Variants in ZYG11B observed in about 807,000 individuals in gnomAD.
The protein encoded by ZYG11B is protein zyg-11 homolog B.
Under a neutral mutation model 82.4 loss-of-function variants are expected in ZYG11B, and 36 were observed. The observed-to-expected ratio is 0.44, with a 90% CI of 0.33 to 0.58. The LOEUF (loss-of-function observed/expected upper bound fraction) is 0.58, where lower values mean the gene tolerates loss of function less well. ZYG11B is among the 20% of genes least tolerant of loss of function. The pLI is 0.02. For missense variants in ZYG11B, 552 were observed against 895.6 expected (o/e 0.62, Z 4.90); for synonymous variants, 303 against 312.8 (o/e 0.97, Z 0.33).
intron 6 of ZYG11B, among the ~76,000 whole-genome samples, chr1:52,791,847 G>T (rs1307815374): frequency 1.3e-5 from 2 of 152,098 alleles, no homozygotes; most frequent in Non-Finnish European, 2.9e-5. Context: ...GAACCTCTGT[G>T]CTCATCATCG....
intron 8 of ZYG11B, among the ~76,000 whole-genome samples, chr1:52,798,568 G>A (rs986219382): frequency 3.3e-5 from 5 of 152,058 alleles, no homozygotes; most frequent in Admixed American, 1.3e-4. Context: ...CCGTGATGAC[G>A]CCACTGCACT....
At chr1:52,812,847 C>A (rs1645195226) in intron 10 of ZYG11B, among the ~76,000 whole-genome samples, 1 of 151,904 alleles carries the variant, frequency 6.6e-6, no homozygotes, top group Non-Finnish European at 1.5e-5. Context: ...GTGCCTCAGC[C>A]TCCCAAGTAG....
chr1:52,735,902 CAG>C (rs1447913240), intron 1 of ZYG11B, among the ~76,000 whole-genome samples: 1 of 152,088 alleles, frequency 6.6e-6, no homozygotes, highest in African/African-American at 2.4e-5. Flanking sequence ...AACATACTTT[CAG>C]AACATATTAA....
intron 8 of ZYG11B, among the ~76,000 whole-genome samples, chr1:52,800,769 C>T (rs1645069493): frequency 6.6e-6 from 1 of 151,870 alleles, no homozygotes; most frequent in Non-Finnish European, 1.5e-5. Flanking sequence ...GAGATTGCGC[C>T]ACTTCACTCC....
chr1:52,771,143 T>G lies in ZYG11B; in HGVS notation c.320T>G (p.Leu107Ter). 6.2e-7 allele frequency: 1 copy of G among 1,614,192 alleles called. No individual in the cohort carries two copies. Among genetic ancestry groups the G allele is most frequent in the Non-Finnish European group, 8.5e-7 (1 of 1,180,034 alleles). Residue 107 changes from leucine to a stop codon, truncating the protein, a stop_gained, in exon 3 of 14, where the codon TTA becomes TGA. Coordinates refer to ENST00000294353, the MANE Select transcript of ZYG11B (RefSeq NM_024646.3). LOFTEE classifies it high-confidence loss of function. This position sits in a 1 kb window ranked among gnomAD's most constrained non-coding sequence, Gnocchi z 5.4. ...CGGAAAGCTTTCTGCCACCACAAGTTAGTGGAACTTGATGCCACAGGTGTG... is the reference window on the plus strand; with the variant it reads ...CGGAAAGCTTTCTGCCACCACAAGTGAGTGGAACTTGATGCCACAGGTGTG... ...AFRKAFCHHKLVELDATGVNA... is the reference protein window; with the variant it reads ...AFRKAFCHHK
At chr1:52,746,417 C>A (rs373173052) in intron 1 of ZYG11B, among the ~76,000 whole-genome samples, 15 of 152,192 alleles carry the variant, frequency 9.9e-5, no homozygotes, top group African/African-American at 2.6e-4. Flanking sequence ...ATAAACCAAG[C>A]AGAATTATTA....
chr1:52,757,447 A>G (rs1028075892), intron 2 of ZYG11B, among the ~76,000 whole-genome samples: 2 of 151,626 alleles, frequency 1.3e-5, no homozygotes, highest in African/African-American at 4.8e-5. Flanking sequence ...AGGCCGAGGC[A>G]GGTGAATCAC....
At position 52,821,573 on chromosome 1, in the gene ZYG11B, G is replaced by GTGCGC. The variant is rs1645284483; in HGVS notation, c.2180_2184dup (p.His729CysfsTer17). ...TCTGGATAGCTTAGAAAAACACATTGTGCGCCATGGGAGGCCACCTCCCTG... is the reference window on the plus strand; with the variant it reads ...TCTGGATAGCTTAGAAAAACACATTGTGCGCTGCGCCATGGGAGGCCACCTCCCTG... On this transcript the variant is annotated frameshift_variant, in exon 14 of 14. Transcript: ENST00000294353. LOFTEE classifies it high-confidence loss of function. 1 of 1,613,962 alleles carries GTGCGC rather than the reference G, an allele frequency of 6.2e-7. No individual in the cohort carries two copies. The highest frequency in any genetic ancestry group is 1.3e-5 in the African/African-American group (1 of 74,918).
chr1:52,817,624 G>A (rs545130097), intron 13 of ZYG11B, among the ~76,000 whole-genome samples: 184 of 150,306 alleles, frequency 1.2e-3, no homozygotes, highest in African/African-American at 4.3e-3. Flanking sequence ...AGGCTCGAAC[G>A]ATCTGCCTGC....
At chr1:52,803,962 G>A (rs1457710096) in intron 10 of ZYG11B, among the ~76,000 whole-genome samples, 1 of 151,862 alleles carries the variant, frequency 6.6e-6, no homozygotes, top group Non-Finnish European at 1.5e-5. Context: ...TTATCAGACT[G>A]GACACAGTGA....
At chr1:52,817,312 C>G (rs755372976) in intron 13 of ZYG11B, among the ~76,000 whole-genome samples, 20 of 152,092 alleles carry the variant, frequency 1.3e-4, no homozygotes, top group African/African-American at 4.6e-4. Flanking sequence ...TTCAAGATGT[C>G]GCTGCCAGCA....
At chr1:52,801,630 GT>G (rs1645076508) in intron 8 of ZYG11B, among the ~76,000 whole-genome samples, 188 bp from the exon 9 acceptor site, 1 of 152,104 alleles carries the variant, frequency 6.6e-6, no homozygotes, top group African/African-American at 2.4e-5. Flanking sequence ...TAATATAGAA[GT>G]ATTTATGAAA....
intron 1 of ZYG11B, among the ~76,000 whole-genome samples, chr1:52,746,541 GA>G (rs1036645644): frequency 2.0e-5 from 3 of 151,854 alleles, no homozygotes; most frequent in Admixed American, 6.6e-5. Context: ...CCTAGTTTCT[GA>G]AAAATTGTGC....
Position 52,767,257 on chromosome 1 carries a change from GTTATTTTATT to G in ZYG11B, c.197-3760_197-3751del, listed in dbSNP as rs1201738529. 4.2e-3 allele frequency among the ~76,000 whole-genome samples: 624 copies of G among 147,808 alleles called. 3 individuals are homozygous for G. The highest frequency in any genetic ancestry group is 7.3e-3 in the Non-Finnish European group (489 of 66,826). ...ATTTTATTTTATGTTGTTATTTTAT[GTTATTTTATT>G]TTGTTATTTTATTTTATGTTATGTT... On this transcript the variant is annotated intron_variant, in intron 2 of 13. Transcript: ENST00000294353.
At chr1:52,752,296 A>G (rs1447703177) in intron 1 of ZYG11B, among the ~76,000 whole-genome samples, 1 of 152,206 alleles carries the variant, frequency 6.6e-6, no homozygotes, top group Non-Finnish European at 1.5e-5. Flanking sequence ...GAACAGCCAG[A>G]TGGAAGAGAT....
Position 52,797,435 on chromosome 1 carries a change from A to G in ZYG11B, c.1485+651A>G, listed in dbSNP as rs190621782. The stretch of plus-strand genomic sequence containing the variant: ...ATCATATATTATACATATTATATAT[A>G]ACATATATATTATATATCATATATG... On this transcript the variant is annotated intron_variant, in intron 8 of 13. Transcript: ENST00000294353. 4.1e-4 allele frequency among the ~76,000 whole-genome samples: 36 copies of G among 88,248 alleles called. 1 individual carries two copies. The East Asian group carries it at 8.3e-3, about 20-fold the overall frequency. The allele number at this position is 88,248 out of a possible 152,430, so 57.9% of individuals were successfully genotyped here.
At chr1:52,775,991 G>A (rs542019761) in intron 3 of ZYG11B, among the ~76,000 whole-genome samples, 14 of 151,380 alleles carry the variant, frequency 9.2e-5, no homozygotes, top group East Asian at 2.0e-4. Context: ...TGAGGCAGGC[G>A]GATCACCTGA....
intron 1 of ZYG11B, among the ~76,000 whole-genome samples, chr1:52,738,250 G>A (rs79781432): frequency 6.6e-6 from 1 of 151,694 alleles, no homozygotes; most frequent in Non-Finnish European, 1.5e-5. Flanking sequence ...TCACTCTGTC[G>A]CCCAGGCTGG....
intron 6 of ZYG11B, among the ~76,000 whole-genome samples, chr1:52,795,260 C>G (rs973122646): frequency 6.6e-6 from 1 of 152,160 alleles, no homozygotes; most frequent in Non-Finnish European, 1.5e-5. Context: ...CTTTGCCCTT[C>G]CATCTCCTTC....
Sources: gnomAD v4.1 joint callset for allele counts (sites outside exome capture counted in the v4.1 genomes callset) on GRCh38, gnomAD v4.1.1 for gene constraint, Gnocchi (gnomAD v3.1) non-coding constraint, MANE v1.5 for transcripts, NCBI Gene and HGNC (gene_info 2026-07-23, HGNC 2026-07-21) for gene names.